The following FKBP15 variants were observed in gnomAD, a reference collection of about 807,000 sequenced individuals.
The protein encoded by FKBP15 is FKBP prolyl isomerase family member 15.
FKBP15 carries 106 observed loss-of-function variants against 158.1 expected under a neutral mutation model. That is an observed-to-expected ratio of 0.67 (90% CI 0.57 to 0.79). The LOEUF (loss-of-function observed/expected upper bound fraction) is 0.79. FKBP15 is among the 30% of genes least tolerant of loss of function. FKBP15 has a pLI of 0.00. For synonymous variants in FKBP15, 547 were observed against 548.6 expected, an observed-to-expected ratio of 1.00 and a Z score of 0.04; for missense variants, 1,287 against 1,479.1, an observed-to-expected ratio of 0.87 and a Z score of 2.13.
rs1330257843 is a variant in FKBP15, at chr9:113,165,301, C to G, written c.*777G>C. ...GAGCAAGAGGATGACTGGACTGGTC[C>G]TCACAGAACCATCATGCCCCAGGGA... On this transcript the variant is annotated 3_prime_UTR_variant, in exon 28 of 28. Coordinates refer to ENST00000238256, the MANE Select transcript of FKBP15 (RefSeq NM_015258.2). 6.6e-6 allele frequency: 1 copy of G among 152,182 alleles called. No individual in the cohort carries two copies. The highest frequency in any genetic ancestry group is 1.5e-5 in the Non-Finnish European group (1 of 68,048). The allele number at this position is 152,182 out of a possible 1,614,324, so 9.4% of individuals were successfully genotyped here. A position where few individuals can be genotyped will look rare whatever the true frequency, so the allele number is the denominator to read the frequency against.
rs1830422184 is a variant in FKBP15, at chr9:113,182,795, C to T, written c.1885G>A (p.Ala629Thr). ...TCTTGTTCAGCATGCAATACTCTTG[C>T]CTGTGTGTTTTCTGTGGCTGTCTGA... ...SLQTATENTQ[A>T]RVLHAEQEKA... The change falls in exon 19 of 28, where the codon GCA becomes ACA. Residue 629 changes from alanine (A) to threonine (T), a missense_variant. Transcript: ENST00000238256. The T allele has an allele frequency of 1.2e-6, 2 of 1,613,668 alleles. No individual in the cohort carries two copies. The highest frequency in any genetic ancestry group is 1.7e-6 in the Non-Finnish European group (2 of 1,179,656).
In FKBP15 at chr9:113,162,810, T is replaced by TTCA; in HGVS notation, c.*3265_*3267dup. On this transcript the variant is annotated 3_prime_UTR_variant, in exon 28 of 28. Coordinates refer to ENST00000238256, the MANE Select transcript of FKBP15 (RefSeq NM_015258.2). ...TGTCATCCAGGTGGTCATCGGCTAC[T>TTCA]TCATCATGCTGGCCGTAATGTCCTA... 6.2e-7 allele frequency: 1 copy of TTCA among 1,613,884 alleles called. No homozygotes were observed. Among genetic ancestry groups the TTCA allele is most frequent in the Non-Finnish European group, 8.5e-7 (1 of 1,179,836 alleles).
In FKBP15 at chr9:113,178,646, C is replaced by T. The variant is rs1397829306; in HGVS notation, c.2070G>A (p.Val690=). Residue 690 remains valine (V), a synonymous_variant, in exon 20 of 28, where the codon GTG becomes GTA. Transcript: ENST00000238256. ...TDLLRGQLTK[V]QAKLSELQET... is the part of the protein sequence containing the mutation. ...AGCACATACCTGAGAGCTTTGCCTG[C>T]ACTTTGGTGAGCTGGCCCCTGAGAA... The T allele has an allele frequency of 6.2e-6, 10 of 1,609,812 alleles. No homozygotes were observed. Among genetic ancestry groups the T allele is most frequent in the Non-Finnish European group, 8.5e-6 (10 of 1,178,390 alleles).
At chr9:113,181,171 G>A (rs1830388946) in intron 19 of FKBP15, among the ~76,000 whole-genome samples, 1 of 152,156 alleles carries the variant, frequency 6.6e-6, no homozygotes, top group South Asian at 2.1e-4. Flanking sequence ...GATATTAGCT[G>A]TGATTACTAT....
At chr9:113,218,920 C>T (rs920529952) in intron 1 of FKBP15, among the ~76,000 whole-genome samples, 11 of 152,164 alleles carry the variant, frequency 7.2e-5, no homozygotes, top group East Asian at 1.9e-4. Flanking sequence ...CTATGCTAAT[C>T]GGATCTGCCT....
rs1346568756 is a variant in FKBP15 at position 113,184,712 on chromosome 9, C to T, written c.1591G>A (p.Asp531Asn). ...TCAGTCACCTTAGTCATGAGATGAT[C>T]CATTTTATCAGCCACTTTGCTGACT... is the stretch of plus-strand genomic sequence containing the variant. ...MAVSKVADKM[D>N]HLMTKVEELQ... Residue 531 changes from aspartate (D) to asparagine (N), a missense_variant, in exon 16 of 28, where the codon GAT (aspartate) becomes AAT (asparagine). Asp to Asn is a conservative substitution (Grantham distance 23). Transcript: ENST00000238256. This position sits in a 1 kb window ranked among gnomAD's most constrained non-coding sequence, Gnocchi z 4.5. The T allele has an allele frequency of 6.2e-7, 1 of 1,606,462 alleles. No homozygotes were observed. Among genetic ancestry groups the T allele is most frequent in the Non-Finnish European group, 8.5e-7 (1 of 1,176,188 alleles).
At chr9:113,188,272 C>A (rs1830517004) in intron 13 of FKBP15, 117 bp downstream of exon 13, 1 of 784,712 alleles carries the variant, frequency 1.3e-6, no homozygotes, top group East Asian at 2.6e-5. Flanking sequence ...CACACTCTTA[C>A]ATTTACACTT....
chr9:113,195,825 T>C (rs1830666843), intron 9 of FKBP15, among the ~76,000 whole-genome samples: 1 of 152,180 alleles, frequency 6.6e-6, no homozygotes, highest in African/African-American at 2.4e-5. Context: ...AAATTTTTTA[T>C]ATGGTACAAA....
chr9:113,165,701 T>C lies in FKBP15; in HGVS notation c.*377A>G. On this transcript the variant is annotated 3_prime_UTR_variant, in exon 28 of 28. Transcript: ENST00000238256. ...CAGGGAGACCTCAGCCCAGGTCTTGTTGCCGGGGCACAGTTGAGCACTGGA... is the reference window on the plus strand; with the variant it reads ...CAGGGAGACCTCAGCCCAGGTCTTGCTGCCGGGGCACAGTTGAGCACTGGA... The C allele has an allele frequency of 5.3e-6, 1 of 190,264 alleles. No individual in the cohort carries two copies. The highest frequency in any genetic ancestry group is 1.1e-5 in the Non-Finnish European group (1 of 90,070). 11.8% of individuals were successfully genotyped at this position (190,264 alleles called of 1,614,324 possible). A position where few individuals can be genotyped will look rare whatever the true frequency, so the allele number is the denominator to read the frequency against.
At position 113,198,583 on chromosome 9, in the gene FKBP15, T is replaced by G. The variant is rs1276645524; in HGVS notation, c.717+272A>C. 6.6e-6 allele frequency among the ~76,000 whole-genome samples: 1 copy of G among 152,050 alleles called. No homozygotes were observed. The highest frequency in any genetic ancestry group is 2.4e-5 in the African/African-American group (1 of 41,400). Reference sequence around the variant, plus strand: ...GCCTGACCAACATGGAGAAACTCCATCTCCACTAAAAATACAAAATTAGCT... The same window carrying G: ...GCCTGACCAACATGGAGAAACTCCAGCTCCACTAAAAATACAAAATTAGCT... On this transcript the variant is annotated intron_variant, in intron 8 of 27. Transcript: ENST00000238256. The surrounding 1 kb of genome is among the most constrained non-coding windows in gnomAD (Gnocchi z 5.2).
intron 10 of FKBP15, 126 bp downstream of exon 10, chr9:113,193,901 C>A: frequency 8.5e-7 from 1 of 1,172,148 alleles, no homozygotes; most frequent in Non-Finnish European, 1.1e-6. Flanking sequence ...TTCCCCATTT[C>A]CCTGATCCCA....
At chr9:113,168,758 C>T (rs891208958) in intron 26 of FKBP15, among the ~76,000 whole-genome samples, 2 of 152,336 alleles carry the variant, frequency 1.3e-5, no homozygotes, top group South Asian at 2.1e-4. Flanking sequence ...CCAGAACCTA[C>T]AGCCAGAGTC....
At chr9:113,210,235 C>T (rs1398459171) in intron 2 of FKBP15, among the ~76,000 whole-genome samples, 1 of 151,988 alleles carries the variant, frequency 6.6e-6, no homozygotes, top group African/African-American at 2.4e-5. Context: ...CTTAGCCAGA[C>T]TGGTCAAGGA....
chr9:113,199,697 G>C, intron 7 of FKBP15, 117 bp downstream of exon 7: 1 of 1,094,886 alleles, frequency 9.1e-7, no homozygotes, highest in Non-Finnish European at 1.3e-6. Flanking sequence ...CTAAAGTGGG[G>C]ATCCTAAAAT....
At chr9:113,207,113 A>C in intron 3 of FKBP15, 99 bp downstream of exon 3, 2 of 920,930 alleles carry the variant, frequency 2.2e-6, no homozygotes, top group Non-Finnish European at 3.5e-6. Flanking sequence ...GAAGGGCTAA[A>C]TAACCGTTTT....
At position 113,162,118 on chromosome 9, in the gene FKBP15, C is replaced by G; in HGVS notation, c.*3960G>C. The G allele has an allele frequency of 3.0e-6, 1 of 334,354 alleles. No individual in the cohort carries two copies. The allele number at this position is 334,354 out of a possible 1,614,324, so 20.7% of individuals were successfully genotyped here. A position where few individuals can be genotyped will look rare whatever the true frequency, so the allele number is the denominator to read the frequency against. ...ATGACAAGCTCTCCTCTCCTCCCTT[C>G]CCACTCGAATCAGGCAACCATTTAG... On this transcript the variant is annotated 3_prime_UTR_variant, in exon 28 of 28. Transcript: ENST00000238256.
At chr9:113,220,966 G>C (rs778748961) in intron 1 of FKBP15, among the ~76,000 whole-genome samples, 4 of 152,182 alleles carry the variant, frequency 2.6e-5, no homozygotes, top group African/African-American at 7.2e-5. Context: ...GGCAAACCCA[G>C]GGCTATCTTC....
chr9:113,214,085 A>G lies in FKBP15; in HGVS notation c.54-2493T>C. ...ATAGCTGAGACTACAGGCATGCACC[A>G]CCACACTCTAGGGATTCTCCCACCT... On this transcript the variant is annotated intron_variant, in intron 1 of 27. Coordinates refer to ENST00000238256, the MANE Select transcript of FKBP15 (RefSeq NM_015258.2). 1.3e-5 allele frequency among the ~76,000 whole-genome samples: 2 copies of G among 152,078 alleles called. 1 individual carries two copies. Among genetic ancestry groups the G allele is most frequent in the Non-Finnish European group, 2.9e-5 (2 of 68,010 alleles).
At chr9:113,208,125 C>T (rs771531584) in intron 2 of FKBP15, among the ~76,000 whole-genome samples, 11 of 151,944 alleles carry the variant, frequency 7.2e-5, no homozygotes, top group Non-Finnish European at 1.5e-4. Flanking sequence ...AGGTGGATCA[C>T]GAGGAGTTCG....
Sources: gnomAD v4.1 joint callset for allele counts (sites outside exome capture counted in the v4.1 genomes callset) on GRCh38, gnomAD v4.1.1 for gene constraint, Gnocchi (gnomAD v3.1) non-coding constraint, MANE v1.5 for transcripts, NCBI Gene and HGNC (gene_info 2026-07-23, HGNC 2026-07-21) for gene names.